The following FGF12 variants were observed in gnomAD, a reference collection of about 807,000 sequenced individuals.
FGF12 encodes fibroblast growth factor 12.
Under a neutral mutation model 23.6 loss-of-function variants are expected in FGF12, and 14 were observed. That is an observed-to-expected ratio of 0.59 (90% CI 0.39 to 0.93). FGF12 has a LOEUF of 0.93. Among genes scored for constraint, FGF12 ranks in the 40% least tolerant of loss-of-function variants. The probability of loss-of-function intolerance (pLI) is 0.00; values close to 1 mark genes in which losing one functional copy is unlikely to be tolerated. For synonymous variants in FGF12, 62 were observed against 77.3 expected (o/e 0.80, Z 1.04); for missense variants, 175 against 217.8 (o/e 0.80, Z 1.24).
At position 192,531,999 on chromosome 3, in the gene FGF12, A is replaced by G. The variant is rs115495963; in HGVS notation, c.14-171461T>C. On this transcript the variant is annotated intron_variant, in intron 2 of 5. Coordinates refer to ENST00000445105, the MANE Select transcript of FGF12 (RefSeq NM_004113.6). ...TAGTTTTCCCAGCAACATTTATTTA[A>G]TAGGGTGTCCTTTCCCCAATTTATG... Among the ~76,000 whole-genome samples the G allele has an allele frequency of 7.7e-3, 1,174 of 152,288 alleles. 15 individuals carry two copies. The highest frequency in any genetic ancestry group is 0.026 in the African/African-American group (1,069 of 41,552).
chr3:192,407,358 C>T (rs377478789), intron 2 of FGF12, among the ~76,000 whole-genome samples: 2 of 151,952 alleles, frequency 1.3e-5, no homozygotes, highest in African/African-American at 4.8e-5. Context: ...CGTTAATGAG[C>T]AGAGTCCTTG....
At chr3:192,632,886 G>C (rs73056205) in intron 2 of FGF12, among the ~76,000 whole-genome samples, 7,168 of 152,030 alleles carry the variant, frequency 0.047, 327 homozygotes, top group East Asian at 0.13. Context: ...TAGAAGCTCT[G>C]GGGGGGAATC....
intron 4 of FGF12, among the ~76,000 whole-genome samples, chr3:192,226,599 C>T (rs568975890): frequency 6.6e-6 from 1 of 152,124 alleles, no homozygotes; most frequent in South Asian, 2.1e-4. Flanking sequence ...TAAATCCTAA[C>T]CCCTAAGGTG....
chr3:192,512,852 AT>A (rs1724528063), intron 2 of FGF12, among the ~76,000 whole-genome samples: 6 of 131,204 alleles, frequency 4.6e-5, no homozygotes, highest in Middle Eastern at 3.9e-3. Context: ...ATATATATAT[AT>A]ATATATAACA....
intron 2 of FGF12, among the ~76,000 whole-genome samples, chr3:192,511,732 G>C (rs550976433): frequency 6.6e-6 from 1 of 152,106 alleles, no homozygotes; most frequent in African/African-American, 2.4e-5. Flanking sequence ...GGAAAAAAAA[G>C]AATCATAAGA....
intron 4 of FGF12, among the ~76,000 whole-genome samples, chr3:192,181,071 A>G (rs749391361): frequency 7.2e-5 from 11 of 152,168 alleles, no homozygotes; most frequent in South Asian, 2.1e-4. Context: ...TCCTGGGTTT[A>G]CAGAGAGAAA....
chr3:192,600,160 A>T (rs1714052635), intron 2 of FGF12, among the ~76,000 whole-genome samples: 1 of 152,060 alleles, frequency 6.6e-6, no homozygotes, highest in Non-Finnish European at 1.5e-5. Context: ...TCCCACAATG[A>T]CTGTTCCTGG....
intron 4 of FGF12, among the ~76,000 whole-genome samples, chr3:192,286,068 T>C (rs890985740): frequency 6.6e-6 from 1 of 152,016 alleles, no homozygotes; most frequent in Non-Finnish European, 1.5e-5. Flanking sequence ...ATTCATGTGA[T>C]GCAAGTGAAA....
At chr3:192,651,127 A>G (rs1480015272) in intron 2 of FGF12, among the ~76,000 whole-genome samples, 1 of 152,216 alleles carries the variant, frequency 6.6e-6, no homozygotes, top group Non-Finnish European at 1.5e-5. Context: ...GAATTTCCAA[A>G]ACACACAAAA....
At chr3:192,657,495 G>T (rs74428283) in intron 2 of FGF12, among the ~76,000 whole-genome samples, 4,754 of 151,706 alleles carry the variant, frequency 0.031, 272 homozygotes, top group African/African-American at 0.11. Context: ...TAGGGGGAGA[G>T]GGGAGGGAGG....
intron 2 of FGF12, among the ~76,000 whole-genome samples, chr3:192,708,506 C>T (rs2108736657): frequency 6.6e-6 from 1 of 152,192 alleles, no homozygotes; most frequent in Non-Finnish European, 1.5e-5. Context: ...TTAACATGTG[C>T]CAAGTCACTG....
At chr3:192,580,978 A>G (rs1713110319) in intron 2 of FGF12, among the ~76,000 whole-genome samples, 1 of 152,238 alleles carries the variant, frequency 6.6e-6, no homozygotes, top group Non-Finnish European at 1.5e-5. Flanking sequence ...ACATATGAAA[A>G]GTCTTAAAAT....
intron 2 of FGF12, among the ~76,000 whole-genome samples, chr3:192,614,588 G>A (rs1379717915): frequency 6.6e-6 from 1 of 151,862 alleles, no homozygotes; most frequent in African/African-American, 2.4e-5. Context: ...TGTTTTCTTT[G>A]TATTGCTACA....
chr3:192,161,658 C>T (rs1041590243), intron 5 of FGF12, among the ~76,000 whole-genome samples: 4 of 152,014 alleles, frequency 2.6e-5, no homozygotes, highest in African/African-American at 9.7e-5. Context: ...ACATCTTTCT[C>T]GTGTTTAAAA....
chr3:192,158,332 C>CTTTCTTTTTCTTTCTTTCTTTCTTTCTT (rs1459698854), intron 5 of FGF12, among the ~76,000 whole-genome samples: 7 of 112,356 alleles, frequency 6.2e-5, no homozygotes, highest in African/African-American at 2.5e-4. Context: ...TTCTTTCTTT[C>CTTTCTTTTTCTTTCTTTCTTTCTTTCTT]TCTTTCTTTC....
In FGF12 at chr3:192,409,073, AGGG is replaced by A; in HGVS notation, c.14-48538_14-48536del. The A allele has an allele frequency of 6.8e-6, 2 of 294,878 alleles. No homozygotes were observed. The highest frequency in any genetic ancestry group is 8.1e-6 in the Non-Finnish European group (2 of 247,094). 18.3% of individuals were successfully genotyped at this position (294,878 alleles called of 1,614,324 possible). ...CTGCAAAGAGAGCGGGAGGCGAGGG[AGGG>A]GGGAGGGCGCGAGGGAGGGAGGGAG... is the stretch of plus-strand genomic sequence containing the variant. On this transcript the variant is annotated intron_variant, in intron 2 of 5. Coordinates refer to ENST00000445105, the MANE Select transcript of FGF12 (RefSeq NM_004113.6). The surrounding 1 kb of genome is among the most constrained non-coding windows in gnomAD (Gnocchi z 4.8).
intron 2 of FGF12, among the ~76,000 whole-genome samples, chr3:192,371,740 C>CT (rs11308270): frequency 8.6e-5 from 13 of 150,444 alleles, no homozygotes; most frequent in East Asian, 1.9e-4. Context: ...TATCATTGGG[C>CT]TTTTTTTTTT....
intron 2 of FGF12, among the ~76,000 whole-genome samples, chr3:192,569,998 A>C (rs1344887028): frequency 6.6e-6 from 1 of 152,236 alleles, no homozygotes; most frequent in African/African-American, 2.4e-5. Context: ...AGTGCCGTAA[A>C]AGTGCCAGTG....
intron 2 of FGF12, among the ~76,000 whole-genome samples, chr3:192,379,583 C>A (rs1238501582): frequency 2.0e-5 from 3 of 152,210 alleles, no homozygotes; most frequent in Non-Finnish European, 2.9e-5. Flanking sequence ...TACAAAGTGG[C>A]TATTTCCCAG....
Sources: allele counts gnomAD v4.1 joint callset (sites outside exome capture counted in the v4.1 genomes callset), GRCh38; gene constraint gnomAD v4.1.1; non-coding constraint Gnocchi (gnomAD v3.1); transcripts MANE v1.5; gene names NCBI Gene and HGNC (gene_info 2026-07-23, HGNC 2026-07-21).